PHACTR3: variants seen among roughly 807,000 people sequenced by gnomAD.
The protein encoded by PHACTR3 is phosphatase and actin regulator 3, also known as protein phosphatase 1, regulatory subunit 123.
PHACTR3 carries 16 observed loss-of-function variants against 66.8 expected under a neutral mutation model. That is an observed-to-expected ratio of 0.24 (90% CI 0.16 to 0.36). The LOEUF (loss-of-function observed/expected upper bound fraction) is 0.36, where lower values mean the gene tolerates loss of function less well. PHACTR3 is among the 10% of genes least tolerant of loss of function. The pLI is 1.00. For missense variants in PHACTR3, 647 were observed against 719.9 expected (o/e 0.90, Z 1.16); for synonymous variants, 323 against 292.1 (o/e 1.11, Z -1.08).
intron 4 of PHACTR3, among the ~76,000 whole-genome samples, chr20:59,765,007 T>A (rs1205926051): frequency 1.3e-5 from 2 of 152,234 alleles, no homozygotes; most frequent in Non-Finnish European, 2.9e-5. Flanking sequence ...TTGCCTGTGC[T>A]GATTTACACA....
chr20:59,585,022 G>A (rs1342561738), intron 1 of PHACTR3, among the ~76,000 whole-genome samples: 2 of 152,018 alleles, frequency 1.3e-5, no homozygotes, highest in African/African-American at 2.4e-5. Flanking sequence ...ATACATATTA[G>A]GGGGAGTACA....
rs968847861 is a variant in PHACTR3, at chr20:59,806,133, C to T, written c.1267C>T (p.Pro423Ser). 1.2e-6 allele frequency: 2 copies of T among 1,614,108 alleles called. No individual in the cohort carries two copies. Among genetic ancestry groups the T allele is most frequent in the South Asian group, 1.1e-5 (1 of 91,088 alleles). The change falls in exon 8 of 13, where the codon CCC becomes TCC. Residue 423 changes from proline (P) to serine (S), a missense_variant. Pro to Ser is a moderately conservative substitution (Grantham distance 74, BLOSUM62 -1). Around this residue, in one of 2 missense-constraint regions of PHACTR3, gnomAD observed 577 missense variants for 571.1 expected, o/e 1.01. Coordinates refer to ENST00000371015, the MANE Select transcript of PHACTR3 (RefSeq NM_080672.5). ...KQELEDRNIF[P>S]RRTDEERQEI... Reference sequence around the variant, plus strand: ...GGAACTAGAAGACCGGAACATTTTCCCCAGAAGGACTGATGAAGAAAGACA... The same window carrying T: ...GGAACTAGAAGACCGGAACATTTTCTCCAGAAGGACTGATGAAGAAAGACA...
chr20:59,747,775 G>A lies in PHACTR3; in HGVS notation c.298G>A (p.Ala100Thr). 1.9e-6 allele frequency: 3 copies of A among 1,614,046 alleles called. No homozygotes were observed. The highest frequency in any genetic ancestry group is 1.6e-4 in the Middle Eastern group (1 of 6,062). Residue 100 changes from alanine to threonine, a missense_variant, in exon 3 of 13, where the codon GCC becomes ACC. Ala to Thr is a moderately conservative substitution (Grantham distance 58, BLOSUM62 0). Coordinates refer to ENST00000371015, the MANE Select transcript of PHACTR3 (RefSeq NM_080672.5). ...TTGGGCAGCGCTGGAGAAGAAGATGGCCGGCAGGCAAGGCCGAGAGGAGCT... is the reference window on the plus strand; with the variant it reads ...TTGGGCAGCGCTGGAGAAGAAGATGACCGGCAGGCAAGGCCGAGAGGAGCT... ...QTTSALEKKM[A>T]GRQGREELIK... is the part of the protein sequence containing the mutation.
intron 8 of PHACTR3, among the ~76,000 whole-genome samples, chr20:59,819,528 C>A (rs1206068245): frequency 2.7e-5 from 4 of 150,038 alleles, no homozygotes; most frequent in African/African-American, 7.4e-5. Flanking sequence ...AGATTGAGAC[C>A]CTGTCGTTAA....
chr20:59,773,376 G>A lies in PHACTR3; in HGVS notation c.849G>A (p.Thr283=), dbSNP rs369078709. Residue 283 remains threonine, a synonymous_variant, in exon 6 of 13, where the codon ACG becomes ACA. Transcript: ENST00000371015. Reference sequence around the variant, plus strand: ...CCACGGGGTCTCCGCATCTCACCACGGTCCACCGGCCTCTTCCCCCAAGCC... The same window carrying A: ...CCACGGGGTCTCCGCATCTCACCACAGTCCACCGGCCTCTTCCCCCAAGCC... The part of the protein sequence containing the change: ...STPTGSPHLT[T]VHRPLPPSRV... 26 of 1,614,002 alleles carry A rather than the reference G, an allele frequency of 1.6e-5. No homozygotes were observed. The highest frequency in any genetic ancestry group is 5.5e-5 in the South Asian group (5 of 91,076).
intron 1 of PHACTR3, among the ~76,000 whole-genome samples, chr20:59,657,658 A>G (rs2035665140): frequency 6.6e-6 from 1 of 152,128 alleles, no homozygotes; most frequent in South Asian, 2.1e-4. Flanking sequence ...ATTACTTCTG[A>G]TAGAAGTCTG....
chr20:59,596,450 G>C (rs2033327798), intron 1 of PHACTR3, among the ~76,000 whole-genome samples: 1 of 152,154 alleles, frequency 6.6e-6, no homozygotes, highest in South Asian at 2.1e-4. Flanking sequence ...CCCTGGTACT[G>C]AACCTTCTGT....
intron 1 of PHACTR3, among the ~76,000 whole-genome samples, chr20:59,592,024 C>T (rs183665218): frequency 6.6e-6 from 1 of 152,182 alleles, no homozygotes; most frequent in African/African-American, 2.4e-5. Context: ...AACTTTTGTG[C>T]ACGGCTTTTG....
At chr20:59,607,752 C>T (rs2033716010) in intron 1 of PHACTR3, among the ~76,000 whole-genome samples, 1 of 152,178 alleles carries the variant, frequency 6.6e-6, no homozygotes, top group South Asian at 2.1e-4. Flanking sequence ...TGGTTCTGCT[C>T]CACACTGGGT....
chr20:59,594,226 G>C (rs1015915636), intron 1 of PHACTR3, among the ~76,000 whole-genome samples: 11 of 151,990 alleles, frequency 7.2e-5, no homozygotes, highest in African/African-American at 2.7e-4. Context: ...TATTTTTGGG[G>C]GTGACTTGCT....
intron 1 of PHACTR3, among the ~76,000 whole-genome samples, chr20:59,739,660 G>A (rs555443569): frequency 7.2e-5 from 11 of 152,096 alleles, no homozygotes; most frequent in Non-Finnish European, 1.6e-4. Context: ...CCTCCACCTG[G>A]TCTTTCTCTT....
intron 1 of PHACTR3, among the ~76,000 whole-genome samples, chr20:59,701,856 A>G (rs892775381): frequency 1.3e-5 from 2 of 152,146 alleles, no homozygotes; most frequent in Admixed American, 6.5e-5. Context: ...CGACCCCCCA[A>G]TCCCCTGTCC....
intron 1 of PHACTR3, among the ~76,000 whole-genome samples, chr20:59,613,234 A>C (rs2033916432): frequency 6.6e-6 from 1 of 152,354 alleles, no homozygotes; most frequent in South Asian, 2.1e-4. Flanking sequence ...GGCTTAAAGA[A>C]GATAAAGGTT....
chr20:59,601,301 C>T (rs1600889933), upstream of PHACTR3, among the ~76,000 whole-genome samples: 2 of 152,240 alleles, frequency 1.3e-5, no homozygotes, highest in South Asian at 4.1e-4. Context: ...CATGTCAGTA[C>T]GTCCCTCCTT....
chr20:59,665,559 A>G (rs2035955566), intron 1 of PHACTR3, among the ~76,000 whole-genome samples: 1 of 152,162 alleles, frequency 6.6e-6, no homozygotes, highest in African/African-American at 2.4e-5. Context: ...GGGCAGAAAT[A>G]AGAAAAAGCA....
chr20:59,836,904 T>A (rs1293879107), intron 9 of PHACTR3, among the ~76,000 whole-genome samples: 1 of 152,150 alleles, frequency 6.6e-6, no homozygotes, highest in Non-Finnish European at 1.5e-5. Flanking sequence ...ATGAACCGCA[T>A]GAACACACTA....
At chr20:59,767,469 A>C (rs1601307869) in intron 5 of PHACTR3, 74 bp downstream of exon 5, 1 of 1,444,482 alleles carries the variant, frequency 6.9e-7, no homozygotes. Context: ...ACATTCATCC[A>C]CCCATCCATC....
chr20:59,682,020 A>AAAAGAAAG (rs563357510), intron 1 of PHACTR3, among the ~76,000 whole-genome samples: 1 of 151,568 alleles, frequency 6.6e-6, no homozygotes, highest in Non-Finnish European at 1.5e-5. Context: ...CAAAAAAAAA[A>AAAAGAAAG]AAAGAAAGAA....
At chr20:59,606,499 T>C (rs958902769) in intron 1 of PHACTR3, among the ~76,000 whole-genome samples, 4 of 148,434 alleles carry the variant, frequency 2.7e-5, no homozygotes, top group Admixed American at 6.8e-5. Flanking sequence ...ACCCTTAAGG[T>C]TTTAATTAAT....
Sources: gnomAD v4.1 joint callset for allele counts (sites outside exome capture counted in the v4.1 genomes callset) on GRCh38, gnomAD v4.1.1 for gene constraint, gnomAD v4.1.1 regional missense constraint, MANE v1.5 for transcripts, NCBI Gene and HGNC (gene_info 2026-07-23, HGNC 2026-07-21) for gene names.